The following TJP3 variants were observed in gnomAD, a reference collection of about 807,000 sequenced individuals.
TJP3 encodes tight junction protein ZO-3.
TJP3 carries 85 observed loss-of-function variants against 104.2 expected under a neutral mutation model. The ratio of observed to expected loss-of-function variants is 0.82; its 90% CI spans 0.68 to 0.98. The LOEUF (loss-of-function observed/expected upper bound fraction) is 0.98. TJP3 is among the 50% of genes least tolerant of loss of function. The probability of loss-of-function intolerance (pLI) is 0.00; values close to 1 mark genes in which losing one functional copy is unlikely to be tolerated. For missense variants in TJP3, 1,367 were observed against 1,322.8 expected (o/e 1.03, Z -0.52); for synonymous variants, 550 against 550.6 (o/e 1.00, Z 0.02).
intron 1 of TJP3, 59 bp from the exon 2 acceptor site, chr19:3,728,365 C>G (rs771678166): frequency 2.5e-6 from 4 of 1,613,466 alleles, no homozygotes; most frequent in Non-Finnish European, 3.4e-6. Flanking sequence ...TGGGGACCCC[C>G]AAGTGCTCAG....
chr19:3,716,804 T>A (rs1183561142), intron 1 of TJP3, among the ~76,000 whole-genome samples: 1,738 of 127,578 alleles, frequency 0.014, 27 homozygotes, highest in Middle Eastern at 0.023. Flanking sequence ...TATATATATT[T>A]TTTTTTTTTT....
intron 1 of TJP3, chr19:3,721,763 G>T (rs1204217478): frequency 4.7e-6 from 2 of 426,044 alleles, no homozygotes; most frequent in African/African-American, 4.1e-5. Context: ...GCTGGAGGGA[G>T]GAGGACGAGA....
intron 7 of TJP3, among the ~76,000 whole-genome samples, chr19:3,734,120 C>T (rs1312222542): frequency 1.3e-5 from 2 of 152,162 alleles, no homozygotes; most frequent in Non-Finnish European, 2.9e-5. Flanking sequence ...CTCCTGGGTT[C>T]GAGCGATTCT....
chr19:3,729,898 G>A, intron 3 of TJP3, 130 bp from the exon 4 acceptor site: 1 of 708,240 alleles, frequency 1.4e-6, no homozygotes, highest in East Asian at 2.5e-5. Context: ...TGTGAACCTA[G>A]GGACACCAAT....
intron 1 of TJP3, among the ~76,000 whole-genome samples, chr19:3,726,091 A>G (rs2036593269): frequency 6.6e-6 from 1 of 152,234 alleles, no homozygotes; most frequent in South Asian, 2.1e-4. Flanking sequence ...GCCTGGGCAG[A>G]GGGAATCACA....
chr19:3,730,826 G>A lies in TJP3; in HGVS notation c.613+120G>A, dbSNP rs1207759674. ...CTCCCTGGTGGCTGGGACTCCAGGC[G>A]CCCGCCACCATGCCTGGCTAATTTT... On this transcript the variant is annotated intron_variant, in intron 5 of 20. Transcript: ENST00000541714. The surrounding 1 kb of genome is among the most constrained non-coding windows in gnomAD (Gnocchi z 7.3). The A allele has an allele frequency of 1.6e-5, 17 of 1,075,442 alleles. No individual in the cohort carries two copies. Among genetic ancestry groups the A allele is most frequent in the South Asian group, 3.2e-5 (2 of 62,378 alleles). 66.6% of individuals were successfully genotyped at this position (1,075,442 alleles called of 1,614,324 possible). A position where few individuals can be genotyped will look rare whatever the true frequency, so the allele number is the denominator to read the frequency against.
chr19:3,746,997 A>G lies in TJP3; in HGVS notation c.2322+121A>G. On this transcript the variant is annotated intron_variant, in intron 18 of 20. Coordinates refer to ENST00000541714, the MANE Select transcript of TJP3 (RefSeq NM_001267560.2). The surrounding 1 kb of genome is among the most constrained non-coding windows in gnomAD (Gnocchi z 4.1). Reference sequence around the variant, plus strand: ...GGTCAGGGATCAGGACTGTGGCCAGAGTCAAGATGGGACCTGAGACAAGGG... The same window carrying G: ...GGTCAGGGATCAGGACTGTGGCCAGGGTCAAGATGGGACCTGAGACAAGGG... 1 of 911,898 alleles carries G rather than the reference A, an allele frequency of 1.1e-6. No homozygotes were observed. The allele number at this position is 911,898 out of a possible 1,614,324, so 56.5% of individuals were successfully genotyped here.
chr19:3,731,972 G>A lies in TJP3; in HGVS notation c.651G>A (p.Lys217=). 6.2e-7 allele frequency: 1 copy of A among 1,613,748 alleles called. No individual in the cohort carries two copies. The highest frequency in any genetic ancestry group is 8.5e-7 in the Non-Finnish European group (1 of 1,179,888). ...GVKLGSQIFI[K]HITDSGLAAR... ...AGCTGGGCAGTCAGATCTTCATCAA[G>A]CACATTACAGATTCGGGCCTGGCTG... The change falls in exon 6 of 21, where the codon AAG becomes AAA. Residue 217 remains lysine, a synonymous_variant. Coordinates refer to ENST00000541714, the MANE Select transcript of TJP3 (RefSeq NM_001267560.2).
At chr19:3,719,231 G>T (rs1302112381) in intron 1 of TJP3, among the ~76,000 whole-genome samples, 1 of 146,088 alleles carries the variant, frequency 6.8e-6, no homozygotes, top group East Asian at 2.1e-4. Flanking sequence ...ATGATTTTTT[G>T]CGCCACCTGC....
chr19:3,735,508 T>C, intron 8 of TJP3, 58 bp from the exon 9 acceptor site: 1 of 1,581,984 alleles, frequency 6.3e-7, no homozygotes, highest in South Asian at 1.1e-5. Context: ...CTAAAATTCT[T>C]TTTAAAATGG....
chr19:3,715,828 G>C (rs1302584931), intron 1 of TJP3, among the ~76,000 whole-genome samples: 1 of 152,044 alleles, frequency 6.6e-6, no homozygotes, highest in Non-Finnish European at 1.5e-5. Context: ...ATCCAGGCTG[G>C]AGTGCAATGG....
chr19:3,708,894 A>G (rs1337725509), intron 1 of TJP3, among the ~76,000 whole-genome samples: 2 of 152,000 alleles, frequency 1.3e-5, no homozygotes, highest in African/African-American at 4.8e-5. Flanking sequence ...AGGGGAGGGG[A>G]TATCAGTCCA....
chr19:3,709,586 T>C lies in TJP3; in HGVS notation c.-10+1025T>C, dbSNP rs140153915. Among the ~76,000 whole-genome samples, 81 of 152,188 alleles carry C rather than the reference T, an allele frequency of 5.3e-4. 1 individual carries two copies. Among genetic ancestry groups the C allele is most frequent in the African/African-American group, 1.8e-3 (76 of 41,528 alleles). On this transcript the variant is annotated intron_variant, in intron 1 of 20. Coordinates refer to ENST00000541714, the MANE Select transcript of TJP3 (RefSeq NM_001267560.2). Reference sequence around the variant, plus strand: ...CAAGTGTCCGATTGCATCTCAAGTCTCTCTCCAGAACCAAGAGGGTCCCCC... The same window carrying C: ...CAAGTGTCCGATTGCATCTCAAGTCCCTCTCCAGAACCAAGAGGGTCCCCC...
intron 1 of TJP3, among the ~76,000 whole-genome samples, chr19:3,709,256 C>G (rs928287968): frequency 1.3e-5 from 2 of 152,108 alleles, no homozygotes; most frequent in Non-Finnish European, 2.9e-5. Flanking sequence ...CCACTATGCC[C>G]AGCTAATTTT....
intron 2 of TJP3, 33 bp from the exon 3 acceptor site, chr19:3,728,571 C>T (rs1332553355): frequency 6.2e-7 from 1 of 1,604,138 alleles, no homozygotes; most frequent in African/African-American, 1.3e-5. Flanking sequence ...CTGGGGGAAA[C>T]AGCAGCTCTT....
chr19:3,721,618 C>T (rs2036542567), intron 1 of TJP3: 3 of 289,986 alleles, frequency 1.0e-5, no homozygotes, highest in Non-Finnish European at 1.9e-5. Flanking sequence ...GGAGTTTCCG[C>T]CTCAGGACCT....
rs578123623 is a variant in TJP3, at chr19:3,723,340, A to T, written c.-9-5084A>T. Among the ~76,000 whole-genome samples, 36 of 152,256 alleles carry T rather than the reference A, an allele frequency of 2.4e-4. No homozygotes were observed. In the South Asian group the frequency reaches 7.2e-3, roughly 31 times the overall value. On this transcript the variant is annotated intron_variant, in intron 1 of 20. Transcript: ENST00000541714. ...GTTTGCCAGGGAGTCCAGTACCAGC[A>T]CTCAAGGCCTGGAAAGGAGGCTGAT...
At chr19:3,718,247 G>GTGTGTGTGTC (rs1450881821) in intron 1 of TJP3, among the ~76,000 whole-genome samples, 1 of 87,150 alleles carries the variant, frequency 1.1e-5, no homozygotes, top group Non-Finnish European at 2.1e-5. Context: ...GTGTGTGTGT[G>GTGTGTGTGTC]TGTGTGTGTC....
At chr19:3,727,019 C>G (rs902486613) in intron 1 of TJP3, among the ~76,000 whole-genome samples, 1 of 151,120 alleles carries the variant, frequency 6.6e-6, no homozygotes, top group African/African-American at 2.4e-5. Flanking sequence ...CCTGGGAGTT[C>G]GAGGCTGCAT....
Sources: allele counts gnomAD v4.1 joint callset (sites outside exome capture counted in the v4.1 genomes callset), GRCh38; gene constraint gnomAD v4.1.1; non-coding constraint Gnocchi (gnomAD v3.1); transcripts MANE v1.5; gene names NCBI Gene and HGNC (gene_info 2026-07-23, HGNC 2026-07-21).